PCDHGB3: variants seen among roughly 807,000 people sequenced by gnomAD.
The protein encoded by PCDHGB3 is protocadherin gamma-B3.
Under a neutral mutation model 59.2 loss-of-function variants are expected in PCDHGB3, and 40 were observed. That is an observed-to-expected ratio of 0.68 (90% CI 0.52 to 0.88). The LOEUF is 0.88. Among genes scored for constraint, PCDHGB3 ranks in the 40% least tolerant of loss-of-function variants. The pLI is 0.00. For missense variants in PCDHGB3, 1,309 were observed against 1,187.9 expected, an observed-to-expected ratio of 1.10 and a Z score of -1.50; for synonymous variants, 581 against 503.6, an observed-to-expected ratio of 1.15 and a Z score of -2.06.
In PCDHGB3 at chr5:141,370,674, G is replaced by A; in HGVS notation, c.280G>A (p.Glu94Lys). 1.9e-6 allele frequency: 3 copies of A among 1,613,890 alleles called. No homozygotes were observed. The highest frequency in any genetic ancestry group is 1.1e-5 in the South Asian group (1 of 91,082). ...LLVSDRIDRE[E>K]ICGKKSTCVL... is the part of the protein sequence containing the mutation. Reference sequence around the variant, plus strand: ...TGTGAGCGACCGTATAGACCGAGAGGAGATTTGTGGCAAGAAGTCGACGTG... The same window carrying A: ...TGTGAGCGACCGTATAGACCGAGAGAAGATTTGTGGCAAGAAGTCGACGTG... The change falls in exon 1 of 4, where the codon GAG becomes AAG. Residue 94 changes from glutamate (E) to lysine (K), a missense_variant. Coordinates refer to ENST00000576222, the MANE Select transcript of PCDHGB3 (RefSeq NM_018924.5).
intron 1 of PCDHGB3, among the ~76,000 whole-genome samples, chr5:141,444,106 G>A (rs2098417269): frequency 7.6e-6 from 1 of 131,112 alleles, no homozygotes; most frequent in South Asian, 2.6e-4. Flanking sequence ...TGGAAACCAA[G>A]AAAAGTGAAG....
intron 1 of PCDHGB3, among the ~76,000 whole-genome samples, chr5:141,483,722 C>G (rs1043315057): frequency 6.6e-6 from 1 of 152,080 alleles, no homozygotes; most frequent in Non-Finnish European, 1.5e-5. Context: ...TATTGGTTCC[C>G]ACCATAGTCA....
rs201372696 is a variant in PCDHGB3, at chr5:141,400,469, C to T, written c.2415+27660C>T. On this transcript the variant is annotated intron_variant, in intron 1 of 3. Coordinates refer to ENST00000576222, the MANE Select transcript of PCDHGB3 (RefSeq NM_018924.5). ...CAAGACATACTTTGTGGTGATTCATCTGGGGCCTTATTTCCACTTTGTAAT... is the reference window on the plus strand; with the variant it reads ...CAAGACATACTTTGTGGTGATTCATTTGGGGCCTTATTTCCACTTTGTAAT... 15 of 1,613,944 alleles carry T rather than the reference C, an allele frequency of 9.3e-6. No individual in the cohort carries two copies. The African/African-American group carries it at 1.9e-4, about 20-fold the overall frequency.
In PCDHGB3 at chr5:141,432,255, C is replaced by T. The variant is rs1561859576; in HGVS notation, c.2415+59446C>T. The T allele has an allele frequency of 6.2e-7, 1 of 1,614,246 alleles. No individual in the cohort carries two copies. The highest frequency in any genetic ancestry group is 8.5e-7 in the Non-Finnish European group (1 of 1,180,048). On this transcript the variant is annotated intron_variant, in intron 1 of 3. Transcript: ENST00000576222. This position sits in a 1 kb window ranked among gnomAD's most constrained non-coding sequence, Gnocchi z 6.0. The stretch of plus-strand genomic sequence containing the variant: ...CTGGCTGAGAACACCATCCAAGGGG[C>T]AAGCCTATCGTCCTACGTGTCCATC...
Position 141,431,587 on chromosome 5 carries a change from A to C in PCDHGB3, c.2415+58778A>C. On this transcript the variant is annotated intron_variant, in intron 1 of 3. Coordinates refer to ENST00000576222, the MANE Select transcript of PCDHGB3 (RefSeq NM_018924.5). This position sits in a 1 kb window ranked among gnomAD's most constrained non-coding sequence, Gnocchi z 4.8. ...ACCCTGACGAAGGAGTCAATGCGGA[A>C]GTGAGGTATTCCTTCCGGTATGTGG... The C allele has an allele frequency of 1.2e-6, 2 of 1,614,236 alleles. No homozygotes were observed. Among genetic ancestry groups the C allele is most frequent in the Non-Finnish European group, 1.7e-6 (2 of 1,180,036 alleles).
intron 1 of PCDHGB3, among the ~76,000 whole-genome samples, chr5:141,482,793 C>T (rs900216099): frequency 3.9e-5 from 5 of 128,974 alleles, no homozygotes; most frequent in Non-Finnish European, 8.1e-5. Flanking sequence ...TGTGTGTGGC[C>T]GGGTACGGTG....
chr5:141,466,812 G>T (rs1394979761), intron 1 of PCDHGB3, among the ~76,000 whole-genome samples: 1 of 151,940 alleles, frequency 6.6e-6, no homozygotes, highest in African/African-American at 2.4e-5. Flanking sequence ...ATTCAGACAT[G>T]GTATAACAAG....
rs775898365 is a variant in PCDHGB3 at position 141,476,425 on chromosome 5, T to C, written c.2416-18382T>C. On this transcript the variant is annotated intron_variant, in intron 1 of 3. Transcript: ENST00000576222. This position sits in a 1 kb window ranked among gnomAD's most constrained non-coding sequence, Gnocchi z 7.6. ...AGGAGCTGTGTGGGACACTGCCCTC[T>C]TGCACTGTAACTCTGGAGTTGGTAG... is the stretch of plus-strand genomic sequence containing the variant. The C allele has an allele frequency of 1.2e-6, 2 of 1,614,108 alleles. No homozygotes were observed. Among genetic ancestry groups the C allele is most frequent in the East Asian group, 4.5e-5 (2 of 44,848 alleles).
intron 1 of PCDHGB3, among the ~76,000 whole-genome samples, chr5:141,406,591 A>T (rs559975786): frequency 6.6e-6 from 1 of 152,164 alleles, no homozygotes; most frequent in African/African-American, 2.4e-5. Flanking sequence ...TTTCCCTTTA[A>T]TGGTGAAAGT....
intron 1 of PCDHGB3, chr5:141,413,899 A>G: frequency 1.2e-6 from 2 of 1,613,286 alleles, no homozygotes; most frequent in Non-Finnish European, 1.7e-6. Context: ...TGCAAATGAC[A>G]ACGCGCCGGT....
intron 1 of PCDHGB3, chr5:141,394,389 C>T (rs750588570): frequency 2.6e-5 from 42 of 1,614,118 alleles, no homozygotes; most frequent in Non-Finnish European, 3.5e-5. Flanking sequence ...TGAGCAGATC[C>T]GAGACCTGCA....
At chr5:141,413,385 A>G (rs1328460811) in intron 1 of PCDHGB3, 23 of 1,613,870 alleles carry the variant, frequency 1.4e-5, no homozygotes, top group Non-Finnish European at 1.8e-5. Flanking sequence ...GAGTCCGCAT[A>G]GTCTCCAGAG....
rs1376914747 is a variant in PCDHGB3, at chr5:141,432,008, A to T, written c.2415+59199A>T. On this transcript the variant is annotated intron_variant, in intron 1 of 3. Coordinates refer to ENST00000576222, the MANE Select transcript of PCDHGB3 (RefSeq NM_018924.5). This position sits in a 1 kb window ranked among gnomAD's most constrained non-coding sequence, Gnocchi z 6.0. ...AGTCTTGGATAGGGAACAGGTTCCT[A>T]GCTACAACATCACAGTGACCGCCAC... 1 of 1,614,200 alleles carries T rather than the reference A, an allele frequency of 6.2e-7. No homozygotes were observed. The highest frequency in any genetic ancestry group is 2.2e-5 in the East Asian group (1 of 44,888).
intron 1 of PCDHGB3, among the ~76,000 whole-genome samples, chr5:141,457,836 C>T (rs1418402508): frequency 6.6e-6 from 1 of 152,202 alleles, no homozygotes; most frequent in African/African-American, 2.4e-5. Context: ...GCTTCCAGAC[C>T]TGTTAGAAAG....
chr5:141,398,597 C>A (rs986852077), intron 1 of PCDHGB3: 4 of 1,614,006 alleles, frequency 2.5e-6, no homozygotes, highest in Non-Finnish European at 3.4e-6. Flanking sequence ...CTAGAAGTAG[C>A]AGAAGATGCA....
chr5:141,374,218 A>C, intron 1 of PCDHGB3: 1 of 1,613,952 alleles, frequency 6.2e-7, no homozygotes, highest in Non-Finnish European at 8.5e-7. Flanking sequence ...GCTCCTTCGT[A>C]GGCAACATCG....
intron 1 of PCDHGB3, among the ~76,000 whole-genome samples, chr5:141,443,521 T>A (rs2098392520): frequency 6.6e-6 from 1 of 152,156 alleles, no homozygotes; most frequent in Admixed American, 6.6e-5. Context: ...TCTCTCCTTA[T>A]GACTTATTTA....
At position 141,432,069 on chromosome 5, in the gene PCDHGB3, A is replaced by G. The variant is rs572724741; in HGVS notation, c.2415+59260A>G. On this transcript the variant is annotated intron_variant, in intron 1 of 3. Transcript: ENST00000576222. The surrounding 1 kb of genome is among the most constrained non-coding windows in gnomAD (Gnocchi z 6.0). ...ACCCCGCCCCTATCCACGGAAACTC[A>G]TATCTCGCTGAACGTGGCAGACACC... 646 of 1,614,168 alleles carry G rather than the reference A, an allele frequency of 4.0e-4. 5 individuals are homozygous for G. In the South Asian group the frequency reaches 6.9e-3, roughly 17 times the overall value.
intron 1 of PCDHGB3, among the ~76,000 whole-genome samples, chr5:141,468,079 C>A (rs2099157359): frequency 6.6e-6 from 1 of 151,986 alleles, no homozygotes; most frequent in African/African-American, 2.4e-5. Context: ...AATCCCAGCA[C>A]TTTGGGAGGT....
Sources: allele counts gnomAD v4.1 joint callset (sites outside exome capture counted in the v4.1 genomes callset), GRCh38; gene constraint gnomAD v4.1.1; non-coding constraint Gnocchi (gnomAD v3.1); transcripts MANE v1.5; gene names NCBI Gene and HGNC (gene_info 2026-07-23, HGNC 2026-07-21).